The following ANXA4 variants were observed in gnomAD, a reference collection of about 807,000 sequenced individuals.
ANXA4 encodes 35-beta calcimedin.
In ANXA4, 39 loss-of-function variants were observed where a neutral mutation model predicts 49.8. That is an observed-to-expected ratio of 0.78 (90% CI 0.61 to 1.02). The LOEUF (loss-of-function observed/expected upper bound fraction) is 1.02, where lower values mean the gene tolerates loss of function less well. Ranked by LOEUF, ANXA4 falls within the 50% of genes least tolerant of loss-of-function variation. The pLI, the probability that ANXA4 is intolerant of heterozygous loss-of-function variation, is 0.00. For synonymous variants in ANXA4, 134 were observed against 152.5 expected, an observed-to-expected ratio of 0.88 and a Z score of 0.89; for missense variants, 360 against 410.1, an observed-to-expected ratio of 0.88 and a Z score of 1.05.
At chr2:69,818,933 A>G (rs17403799) in intron 10 of ANXA4, among the ~76,000 whole-genome samples, 3,611 of 152,336 alleles carry the variant, frequency 0.024, 53 homozygotes, top group South Asian at 0.064. Flanking sequence ...GAAAGGTAAT[A>G]ATGTGCAGAT....
At chr2:69,814,153 A>G (rs918197758) in intron 8 of ANXA4, among the ~76,000 whole-genome samples, 3 of 152,072 alleles carry the variant, frequency 2.0e-5, no homozygotes, top group African/African-American at 2.4e-5. Flanking sequence ...TGCAAAAAAA[A>G]AGAACCTGTT....
chr2:69,680,384 A>C (rs1255121394), intron 2 of ANXA4, among the ~76,000 whole-genome samples: 1 of 152,188 alleles, frequency 6.6e-6, no homozygotes, highest in Non-Finnish European at 1.5e-5. Flanking sequence ...TTCATTTATC[A>C]GTTCTAAAAG....
rs578132453 is a variant in ANXA4 at position 69,781,680 on chromosome 2, G to A, written c.9+106G>A. On this transcript the variant is annotated intron_variant, in intron 2 of 12. Transcript: ENST00000394295. ...AACAAAGCATTGTTTACTCAACAGA[G>A]GGGAAGGAGGAGGACATGAAAAGGC... The A allele has an allele frequency of 5.3e-5, 71 of 1,329,390 alleles. No individual in the cohort carries two copies. The East Asian group carries it at 1.7e-3, about 31-fold the overall frequency. The allele number at this position is 1,329,390 out of a possible 1,614,324, so 82.3% of individuals were successfully genotyped here.
rs1472302860 is a variant in ANXA4, at chr2:69,806,392, T to C, written c.200T>C (p.Ile67Thr). The change falls in exon 5 of 13, where the codon ATA becomes ACA. Residue 67 changes from isoleucine to threonine, a missense_variant. Transcript: ENST00000394295. ...TACTTTCTTGCATTGCAGGACTTGA[T>C]AGACGACCTGAAGTCAGAACTGAGT... Reference protein sequence around the residue: ...AYKSTIGRDLIDDLKSELSGN... With the variant: ...AYKSTIGRDLTDDLKSELSGN... 3 of 1,613,576 alleles carry C rather than the reference T, an allele frequency of 1.9e-6. No individual in the cohort carries two copies. Among genetic ancestry groups the C allele is most frequent in the African/African-American group, 1.3e-5 (1 of 74,920 alleles).
intron 2 of ANXA4, among the ~76,000 whole-genome samples, chr2:69,654,270 C>T (rs530983160): frequency 6.6e-6 from 1 of 152,270 alleles, no homozygotes; most frequent in South Asian, 2.1e-4. Context: ...TTTGAATACT[C>T]TTTATTTCTT....
At position 69,825,931 on chromosome 2, in the gene ANXA4, T is replaced by A. The variant is rs1674452110; in HGVS notation, c.*416T>A. On this transcript the variant is annotated 3_prime_UTR_variant, in exon 13 of 13. Coordinates refer to ENST00000394295, the MANE Select transcript of ANXA4 (RefSeq NM_001153.5). ...TTAGAGTGGCTAGTAGTTTCTTCATTTGAAATTGTAAGCATCCGGTCAGTA... is the reference window on the plus strand; with the variant it reads ...TTAGAGTGGCTAGTAGTTTCTTCATATGAAATTGTAAGCATCCGGTCAGTA... 6.5e-6 allele frequency: 1 copy of A among 153,824 alleles called. No individual in the cohort carries two copies. Among genetic ancestry groups the A allele is most frequent in the Non-Finnish European group, 1.4e-5 (1 of 69,236 alleles). 9.5% of individuals were successfully genotyped at this position (153,824 alleles called of 1,614,324 possible).
intron 1 of ANXA4, among the ~76,000 whole-genome samples, chr2:69,645,881 A>T (rs955018344): frequency 6.6e-6 from 1 of 152,168 alleles, no homozygotes; most frequent in African/African-American, 2.4e-5. Flanking sequence ...CCATTATTAT[A>T]CTCATTTTAT....
chr2:69,776,867 T>G (rs1211869804), intron 1 of ANXA4, among the ~76,000 whole-genome samples: 1 of 152,160 alleles, frequency 6.6e-6, no homozygotes, highest in Non-Finnish European at 1.5e-5. Flanking sequence ...AAGCTTGGGT[T>G]AAGGGATCAG....
chr2:69,748,203 G>T (rs937206407), intron 1 of ANXA4, among the ~76,000 whole-genome samples: 1 of 151,630 alleles, frequency 6.6e-6, no homozygotes, highest in Non-Finnish European at 1.5e-5. Flanking sequence ...GTGAAACCCC[G>T]TCTCTACTAA....
At chr2:69,799,623 T>TC (rs376251086) in intron 3 of ANXA4, among the ~76,000 whole-genome samples, 174 of 152,314 alleles carry the variant, frequency 1.1e-3, no homozygotes, top group African/African-American at 4.2e-3. Context: ...GGTAGTGTCT[T>TC]CCAGCATGCT....
intron 2 of ANXA4, among the ~76,000 whole-genome samples, chr2:69,658,850 A>G (rs1054401105): frequency 1.3e-5 from 2 of 152,152 alleles, no homozygotes; most frequent in African/African-American, 2.4e-5. Context: ...GCGCAGCACC[A>G]CACCTGGCTA....
chr2:69,817,862 A>C (rs934761906), intron 9 of ANXA4: 6 of 152,210 alleles, frequency 3.9e-5, no homozygotes, highest in Admixed American at 2.0e-4. Context: ...TGCTCAATTA[A>C]AAAGTTCCCA....
At chr2:69,786,953 G>A (rs1672443318) in intron 2 of ANXA4, among the ~76,000 whole-genome samples, 1 of 152,106 alleles carries the variant, frequency 6.6e-6, no homozygotes, top group South Asian at 2.1e-4. Context: ...TCAAACTCCT[G>A]GGCTCAAGAG....
intron 2 of ANXA4, among the ~76,000 whole-genome samples, chr2:69,782,618 G>A (rs1672246566): frequency 2.6e-5 from 4 of 152,182 alleles, no homozygotes; most frequent in African/African-American, 7.2e-5. Context: ...GCCTCCCAAA[G>A]TTCTGGGATT....
At chr2:69,803,917 C>A (rs1673324176) in intron 3 of ANXA4, among the ~76,000 whole-genome samples, 1 of 152,072 alleles carries the variant, frequency 6.6e-6, no homozygotes, top group Non-Finnish European at 1.5e-5. Context: ...GAGGGCAGAT[C>A]ATTTGAGGTC....
chr2:69,710,973 A>G (rs1220757099), intron 2 of ANXA4, among the ~76,000 whole-genome samples: 2 of 152,202 alleles, frequency 1.3e-5, no homozygotes, highest in Non-Finnish European at 2.9e-5. Flanking sequence ...TCTACTCCTC[A>G]GAGAAGTGAA....
At position 69,742,176 on chromosome 2, in the gene ANXA4, G is replaced by A. The variant is rs1456390962; in HGVS notation, c.-47+1G>A. 2 of 152,308 alleles carry A rather than the reference G, an allele frequency of 1.3e-5. No homozygotes were observed. Among genetic ancestry groups the A allele is most frequent in the Non-Finnish European group, 2.9e-5 (2 of 68,200 alleles). 9.4% of individuals were successfully genotyped at this position (152,308 alleles called of 1,614,324 possible). A position where few individuals can be genotyped will look rare whatever the true frequency, so the allele number is the denominator to read the frequency against. On this transcript the variant is annotated splice_donor_variant, in intron 1 of 12. Transcript: ENST00000394295. LOFTEE classifies it low-confidence loss of function (5UTR_SPLICE). ...AGAGGAGGAGCGCAGCCCGGCCTCGGTACGAGGGGTAAAGGGGCTCCGGGC... is the reference window on the plus strand; with the variant it reads ...AGAGGAGGAGCGCAGCCCGGCCTCGATACGAGGGGTAAAGGGGCTCCGGGC...
At chr2:69,658,497 A>G (rs1338211715) in intron 2 of ANXA4, among the ~76,000 whole-genome samples, 3 of 152,052 alleles carry the variant, frequency 2.0e-5, no homozygotes, top group Non-Finnish European at 4.4e-5. Context: ...TCTAGGAAAG[A>G]TATCAAAACA....
intron 3 of ANXA4, among the ~76,000 whole-genome samples, chr2:69,788,665 G>A (rs1220716902): frequency 5.3e-5 from 8 of 151,368 alleles, no homozygotes; most frequent in East Asian, 1.9e-4. Context: ...GTGAAACCCC[G>A]TCTCTACTAA....
Sources: gnomAD v4.1 joint callset for allele counts (sites outside exome capture counted in the v4.1 genomes callset) on GRCh38, gnomAD v4.1.1 for gene constraint, MANE v1.5 for transcripts, NCBI Gene and HGNC (gene_info 2026-07-23, HGNC 2026-07-21) for gene names.